The following PIWIL2 variants were observed in gnomAD, a reference collection of about 807,000 sequenced individuals.
PIWIL2 encodes piwi-like protein 2.
PIWIL2 carries 81 observed loss-of-function variants against 116.5 expected under a neutral mutation model. The observed-to-expected ratio is 0.70, with a 90% CI of 0.58 to 0.84. PIWIL2 has a LOEUF of 0.84. PIWIL2 is among the 40% of genes least tolerant of loss of function. PIWIL2 has a pLI of 0.00. For synonymous variants in PIWIL2, 489 were observed against 429.5 expected (o/e 1.14, Z -1.71); for missense variants, 1,272 against 1,212.3 (o/e 1.05, Z -0.73).
In PIWIL2 at chr8:22,351,467, A is replaced by G. The variant is rs1300128529; in HGVS notation, c.2404-1492A>G. The stretch of plus-strand genomic sequence containing the variant: ...TATATATATATATATATATATATAT[A>G]TATATATATATATATAATTTATATC... On this transcript the variant is annotated intron_variant, in intron 20 of 22. Transcript: ENST00000356766. Among the ~76,000 whole-genome samples, 32 of 97,308 alleles carry G rather than the reference A, an allele frequency of 3.3e-4. 3 individuals carry two copies. The highest frequency in any genetic ancestry group is 1.8e-3 in the Admixed American group (18 of 10,102). The allele number at this position is 97,308 out of a possible 152,430, so 63.8% of individuals were successfully genotyped here. A position where few individuals can be genotyped will look rare whatever the true frequency, so the allele number is the denominator to read the frequency against.
chr8:22,299,346 G>T (rs1830989675), intron 10 of PIWIL2, among the ~76,000 whole-genome samples: 1 of 151,852 alleles, frequency 6.6e-6, no homozygotes. Flanking sequence ...GAGTAGCTGG[G>T]ATTACAGGCA....
At chr8:22,316,218 G>GGTTTTT (rs766208328) in intron 18 of PIWIL2, 27 bp from the exon 19 acceptor site, 2 of 1,474,758 alleles carry the variant, frequency 1.4e-6, no homozygotes, top group East Asian at 2.3e-5. Flanking sequence ...TCTGGGGTTT[G>GGTTTTT]GTTTTTGTTT....
At chr8:22,337,260 T>TAC (rs966060525) in intron 20 of PIWIL2, among the ~76,000 whole-genome samples, 43 of 150,494 alleles carry the variant, frequency 2.9e-4, no homozygotes, top group African/African-American at 7.3e-4. Flanking sequence ...TCCTGAAGAG[T>TAC]ACACACACAC....
chr8:22,333,619 CAA>C (rs918553657), intron 20 of PIWIL2, among the ~76,000 whole-genome samples: 1 of 151,686 alleles, frequency 6.6e-6, no homozygotes. Flanking sequence ...TCTCAAAAAA[CAA>C]ACAAAAAAAA....
chr8:22,275,594 G>A (rs886550677), intron 1 of PIWIL2, 196 bp downstream of exon 1: 2 of 152,382 alleles, frequency 1.3e-5, no homozygotes, highest in South Asian at 2.1e-4. Context: ...GCGGCCCCAA[G>A]AAGGTGTCCA....
At chr8:22,292,819 C>T (rs1454382114) in intron 10 of PIWIL2, among the ~76,000 whole-genome samples, 1 of 152,138 alleles carries the variant, frequency 6.6e-6, no homozygotes, top group African/African-American at 2.4e-5. Context: ...CTAAAACTGG[C>T]CTGTTTGGGG....
intron 6 of PIWIL2, among the ~76,000 whole-genome samples, chr8:22,286,747 G>A (rs953906288): frequency 2.0e-5 from 3 of 151,902 alleles, no homozygotes; most frequent in Admixed American, 1.3e-4. Flanking sequence ...TCAGCCTCCC[G>A]AGTAACTGGG....
intron 20 of PIWIL2, among the ~76,000 whole-genome samples, chr8:22,330,036 C>G (rs1347397813): frequency 6.6e-6 from 1 of 152,052 alleles, no homozygotes; most frequent in East Asian, 1.9e-4. Context: ...TCTTTTTGCC[C>G]CTTCCTCTTG....
intron 20 of PIWIL2, among the ~76,000 whole-genome samples, chr8:22,351,027 G>A (rs934330254): frequency 6.6e-6 from 1 of 151,964 alleles, no homozygotes; most frequent in African/African-American, 2.4e-5. Flanking sequence ...TGTAGTCCCA[G>A]CTAGTCCCAG....
intron 8 of PIWIL2, among the ~76,000 whole-genome samples, chr8:22,289,446 C>T (rs937571733): frequency 4.6e-5 from 7 of 152,208 alleles, no homozygotes; most frequent in Non-Finnish European, 8.8e-5. Flanking sequence ...CCACCGCGCC[C>T]GGCCCATGGA....
intron 20 of PIWIL2, 133 bp from the exon 21 acceptor site, chr8:22,352,826 C>T (rs1402126831): frequency 3.5e-6 from 3 of 859,408 alleles, no homozygotes; most frequent in Non-Finnish European, 5.4e-6. Context: ...GCCCTCTAGG[C>T]ACAGTAGCTT....
intron 20 of PIWIL2, among the ~76,000 whole-genome samples, chr8:22,346,005 T>C (rs1372151400): frequency 6.6e-6 from 1 of 152,032 alleles, no homozygotes; most frequent in Admixed American, 6.6e-5. Context: ...TAAAATTAGA[T>C]AGTGGTGATG....
chr8:22,341,977 TAAA>T (rs530423710), intron 20 of PIWIL2, among the ~76,000 whole-genome samples: 69 of 121,530 alleles, frequency 5.7e-4, no homozygotes, highest in Admixed American at 2.2e-3. Context: ...TCTATTGCTG[TAAA>T]AAAAAAAAAA....
chr8:22,281,253 G>T (rs770990837), intron 3 of PIWIL2, 46 bp downstream of exon 3: 1 of 1,546,792 alleles, frequency 6.5e-7, no homozygotes, highest in Admixed American at 2.0e-5. Context: ...TGTATGATTG[G>T]TTTCTTCTAA....
At chr8:22,284,376 T>A in intron 6 of PIWIL2, 104 bp downstream of exon 6, 1 of 580,854 alleles carries the variant, frequency 1.7e-6, no homozygotes, top group South Asian at 2.4e-5. Context: ...CTGGTGGACG[T>A]CTCAATGCAA....
At chr8:22,280,422 A>G (rs531016976) in intron 2 of PIWIL2, among the ~76,000 whole-genome samples, 41 of 152,324 alleles carry the variant, frequency 2.7e-4, no homozygotes, top group East Asian at 2.1e-3. Flanking sequence ...ATATTTGTCT[A>G]TAATTAATAT....
chr8:22,349,492 A>T (rs1832308591), intron 20 of PIWIL2, among the ~76,000 whole-genome samples: 1 of 150,260 alleles, frequency 6.7e-6, no homozygotes, highest in African/African-American at 2.4e-5. Context: ...AGGTGAGATG[A>T]TCATTTTTCT....
At chr8:22,331,517 A>G (rs1270250808) in intron 20 of PIWIL2, among the ~76,000 whole-genome samples, 1 of 152,122 alleles carries the variant, frequency 6.6e-6, no homozygotes, top group Non-Finnish European at 1.5e-5. Context: ...AAATTCTTCA[A>G]AGAGATGAAA....
intron 14 of PIWIL2, among the ~76,000 whole-genome samples, chr8:22,309,065 G>A (rs963787951): frequency 1.3e-4 from 19 of 151,884 alleles, no homozygotes; most frequent in Middle Eastern, 3.2e-3. Flanking sequence ...AGGTTCAAGC[G>A]ATTCTCCTGC....
Sources: gnomAD v4.1 joint callset for allele counts (sites outside exome capture counted in the v4.1 genomes callset) on GRCh38, gnomAD v4.1.1 for gene constraint, MANE v1.5 for transcripts, NCBI Gene and HGNC (gene_info 2026-07-23, HGNC 2026-07-21) for gene names.